The following HSPBAP1 variants were observed in gnomAD, a reference collection of about 807,000 sequenced individuals.
HSPBAP1 encodes the protein HSPB1 associated protein 1, also known as HSPB1-associated protein 1.
Under a neutral mutation model 45.2 loss-of-function variants are expected in HSPBAP1, and 27 were observed. That is an observed-to-expected ratio of 0.60 (90% CI 0.44 to 0.82). The LOEUF is 0.82. Ranked by LOEUF, HSPBAP1 falls within the 40% of genes least tolerant of loss-of-function variation. HSPBAP1 has a pLI of 0.00. For synonymous variants in HSPBAP1, 204 were observed against 202.7 expected (o/e 1.01, Z -0.06); for missense variants, 510 against 590.9 (o/e 0.86, Z 1.42).
At chr3:122,775,061 A>C (rs1021072290) in intron 2 of HSPBAP1, among the ~76,000 whole-genome samples, 2 of 152,198 alleles carry the variant, frequency 1.3e-5, no homozygotes, top group African/African-American at 2.4e-5. Context: ...AAACAATGAA[A>C]TATTACGTAG....
chr3:122,759,958 T>C (rs562620631), intron 3 of HSPBAP1, among the ~76,000 whole-genome samples: 8 of 152,208 alleles, frequency 5.3e-5, no homozygotes, highest in Non-Finnish European at 1.2e-4. Context: ...GAGCCTTAGC[T>C]CATACCTACT....
intron 6 of HSPBAP1, among the ~76,000 whole-genome samples, chr3:122,745,326 G>A (rs981321808): frequency 1.2e-4 from 18 of 152,052 alleles, no homozygotes; most frequent in African/African-American, 4.3e-4. Flanking sequence ...AAAATCAATA[G>A]CTATCATATA....
intron 1 of HSPBAP1, among the ~76,000 whole-genome samples, chr3:122,788,813 T>C (rs1444366601): frequency 2.0e-5 from 3 of 152,196 alleles, no homozygotes; most frequent in East Asian, 3.8e-4. Context: ...AGGGAAGTTA[T>C]TGTTTAACGG....
chr3:122,781,618 T>C (rs746882635), intron 1 of HSPBAP1, among the ~76,000 whole-genome samples: 20 of 152,098 alleles, frequency 1.3e-4, no homozygotes, highest in South Asian at 4.1e-4. Flanking sequence ...CCCTTGCTCC[T>C]CTCTCTCCCT....
At chr3:122,791,709 T>C (rs1935835775) in intron 1 of HSPBAP1, among the ~76,000 whole-genome samples, 1 of 152,174 alleles carries the variant, frequency 6.6e-6, no homozygotes, top group African/African-American at 2.4e-5. Context: ...CTTTAAAAGC[T>C]AAAGATTAAG....
At chr3:122,777,950 G>T in intron 1 of HSPBAP1, 44 bp from the exon 2 acceptor site, 1 of 1,342,234 alleles carries the variant, frequency 7.5e-7, no homozygotes, top group Non-Finnish European at 1.0e-6. Flanking sequence ...AAACTATCAA[G>T]TTTTTTCATA....
At chr3:122,743,529 G>T (rs1206041434) in intron 6 of HSPBAP1, among the ~76,000 whole-genome samples, 1 of 152,108 alleles carries the variant, frequency 6.6e-6, no homozygotes, top group Non-Finnish European at 1.5e-5. Context: ...TCGAGCCATT[G>T]CACTCCAGCC....
At chr3:122,768,150 C>A (rs80044985) in intron 3 of HSPBAP1, among the ~76,000 whole-genome samples, 7,686 of 152,256 alleles carry the variant, frequency 0.05, 266 homozygotes, top group Middle Eastern at 0.11. Context: ...AAAGAACTTC[C>A]ATAATTTTAC....
intron 4 of HSPBAP1, among the ~76,000 whole-genome samples, chr3:122,758,398 C>T (rs73193818): frequency 0.053 from 8,087 of 152,226 alleles, 259 homozygotes; most frequent in Non-Finnish European, 0.08. Context: ...GGTAACAATA[C>T]ACTGTATTGT....
intron 4 of HSPBAP1, 123 bp from the exon 5 acceptor site, chr3:122,755,554 G>A: frequency 1.5e-6 from 1 of 656,286 alleles, no homozygotes; most frequent in Non-Finnish European, 2.4e-6. Flanking sequence ...GGGAATATAG[G>A]CACCATCAGT....
chr3:122,768,949 T>TA (rs111824677), intron 2 of HSPBAP1, 67 bp from the exon 3 acceptor site: 64,842 of 1,095,090 alleles, frequency 0.059, 1,964 homozygotes, highest in Middle Eastern at 0.074. Flanking sequence ...GTTTTTTTTT[T>TA]AAAATAAAGA....
intron 5 of HSPBAP1, 155 bp from the exon 6 acceptor site, chr3:122,752,829 C>T (rs1934206608): frequency 7.2e-7 from 1 of 1,393,852 alleles, no homozygotes; most frequent in Non-Finnish European, 9.3e-7. Context: ...AAAAACCCCG[C>T]AAACCTTTTT....
intron 2 of HSPBAP1, 85 bp from the exon 3 acceptor site, chr3:122,768,967 A>G (rs1934885385): frequency 2.0e-6 from 2 of 1,021,284 alleles, no homozygotes; most frequent in Non-Finnish European, 2.8e-6. Flanking sequence ...AGATAATTTC[A>G]ACCAAAAAAT....
intron 5 of HSPBAP1, chr3:122,754,306 AGAAAT>A (rs1383160100): frequency 5.8e-5 from 9 of 154,162 alleles, no homozygotes; most frequent in African/African-American, 1.7e-4. Flanking sequence ...GCCATAAAAA[AGAAAT>A]GAAGTGCTAG....
intron 1 of HSPBAP1, among the ~76,000 whole-genome samples, chr3:122,790,815 C>T (rs1424555704): frequency 6.6e-6 from 1 of 152,102 alleles, no homozygotes; most frequent in Non-Finnish European, 1.5e-5. Flanking sequence ...GACCCTGTAT[C>T]TACAAAAATA....
intron 6 of HSPBAP1, among the ~76,000 whole-genome samples, chr3:122,746,742 C>G (rs914813813): frequency 6.6e-6 from 1 of 152,100 alleles, no homozygotes; most frequent in Non-Finnish European, 1.5e-5. Context: ...CGGCTCACTG[C>G]AACCTCCCTG....
At chr3:122,753,280 C>T (rs1022777128) in intron 5 of HSPBAP1, 1 of 263,044 alleles carries the variant, frequency 3.8e-6, no homozygotes, top group Non-Finnish European at 5.9e-6. Context: ...ATAAGAGGTA[C>T]AGGTGAGGGA....
chr3:122,755,087 G>T, intron 5 of HSPBAP1, 173 bp downstream of exon 5: 1 of 1,225,200 alleles, frequency 8.2e-7, no homozygotes, highest in Non-Finnish European at 1.0e-6. Context: ...AAGCAGAGGT[G>T]TATGTGTCTG....
At chr3:122,745,899 C>T (rs1365329913) in intron 6 of HSPBAP1, among the ~76,000 whole-genome samples, 1 of 152,164 alleles carries the variant, frequency 6.6e-6, no homozygotes, top group East Asian at 1.9e-4. Flanking sequence ...GCTATCACAC[C>T]TCAAACTGCA....
Sources: allele counts gnomAD v4.1 joint callset (sites outside exome capture counted in the v4.1 genomes callset), GRCh38; gene constraint gnomAD v4.1.1; transcripts MANE v1.5; gene names NCBI Gene and HGNC (gene_info 2026-07-23, HGNC 2026-07-21).